The following ADCY4 variants were observed in gnomAD, a reference collection of about 807,000 sequenced individuals.
ADCY4 encodes the protein adenylate cyclase type 4.
Under a neutral mutation model 125.5 loss-of-function variants are expected in ADCY4, and 111 were observed. The ratio of observed to expected loss-of-function variants is 0.88; its 90% CI spans 0.76 to 1.04. The LOEUF (loss-of-function observed/expected upper bound fraction) is 1.04. ADCY4 is among the 50% of genes least tolerant of loss of function. The pLI, the probability that ADCY4 is intolerant of heterozygous loss-of-function variation, is 0.00. For synonymous variants in ADCY4, 576 were observed against 586.9 expected (o/e 0.98, Z 0.27); for missense variants, 1,256 against 1,382.9 (o/e 0.91, Z 1.46).
Position 24,322,901 on chromosome 14 carries a change from C to A in ADCY4, c.2342+3G>T. 6.3e-7 allele frequency: 1 copy of A among 1,590,454 alleles called. No homozygotes were observed. The highest frequency in any genetic ancestry group is 8.6e-7 in the Non-Finnish European group (1 of 1,168,714). On this transcript the variant is annotated splice_donor_region_variant and intron_variant, in intron 18 of 24. Transcript: ENST00000418030. ...GGCACCTCTGTCCAGCAGCTGTGCA[C>A]ACCTGGAGTCCAAGGGGCCCAGATA...
chr14:24,328,142 G>A (rs940503149), intron 10 of ADCY4, among the ~76,000 whole-genome samples: 1 of 150,102 alleles, frequency 6.7e-6, no homozygotes, highest in Admixed American at 6.6e-5. Flanking sequence ...CATCTGGGAA[G>A]ACGCCCGTCA....
intron 17 of ADCY4, 102 bp downstream of exon 17, chr14:24,323,242 G>C: frequency 4.3e-6 from 6 of 1,406,482 alleles, no homozygotes; most frequent in Non-Finnish European, 3.9e-6. Context: ...ACTTATGTCT[G>C]TTCTAATCCA....
At chr14:24,332,301 A>G (rs2042053938) in intron 3 of ADCY4, 1 of 509,204 alleles carries the variant, frequency 2.0e-6, no homozygotes, top group African/African-American at 2.0e-5. Context: ...TCCCCGGGGT[A>G]AACCACGACA....
chr14:24,319,345 C>G lies in ADCY4; in HGVS notation c.2825G>C (p.Gly942Ala). ...MAATGLNATS[G>A]QDAQQDAERS... Reference sequence around the variant, plus strand: ...TTGCCGTACCTGTTGTGCATCCTGTCCAGAGGTGGCATTTAAGCCTGTGGC... The same window carrying G: ...TTGCCGTACCTGTTGTGCATCCTGTGCAGAGGTGGCATTTAAGCCTGTGGC... Residue 942 changes from glycine to alanine, a missense_variant, in exon 22 of 25, where the codon GGA becomes GCA. Gly to Ala is a moderately conservative substitution (Grantham distance 60). Transcript: ENST00000418030. This position sits in a 1 kb window ranked among gnomAD's most constrained non-coding sequence, Gnocchi z 4.5. The G allele has an allele frequency of 6.2e-7, 1 of 1,614,148 alleles. No individual in the cohort carries two copies. Among genetic ancestry groups the G allele is most frequent in the Non-Finnish European group, 8.5e-7 (1 of 1,180,018 alleles).
intron 13 of ADCY4, 109 bp from the exon 14 acceptor site, chr14:24,325,583 C>T (rs1261552823): frequency 3.9e-6 from 4 of 1,024,120 alleles, no homozygotes; most frequent in Non-Finnish European, 5.8e-6. Flanking sequence ...GCCCAGGCTC[C>T]AGTTCAGTTC....
rs1317684411 is a variant in ADCY4, at chr14:24,329,925, C to G, written c.1152G>C (p.Trp384Cys). ...CATCATGTGACCAAACGTCGTACTG[C>G]CACTTCTGCAGCCCGATGACTCCAC... ...VLCGVIGLQKWQYDVWSHDVT... is the reference protein window; with the variant it reads ...VLCGVIGLQKCQYDVWSHDVT... Residue 384 changes from tryptophan (W) to cysteine (C), a missense_variant, in exon 8 of 25, where the codon TGG (tryptophan) becomes TGC (cysteine). Trp to Cys is a radical substitution (Grantham distance 215, BLOSUM62 -2). Coordinates refer to ENST00000418030, the MANE Select transcript of ADCY4 (RefSeq NM_001198568.2). 6.2e-7 allele frequency: 1 copy of G among 1,614,130 alleles called. No individual in the cohort carries two copies. Among genetic ancestry groups the G allele is most frequent in the Non-Finnish European group, 8.5e-7 (1 of 1,180,006 alleles).
rs768303901 is a variant in ADCY4, at chr14:24,319,840, C to T, written c.2635G>A (p.Val879Ile). The T allele has an allele frequency of 1.2e-6, 2 of 1,613,958 alleles. No individual in the cohort carries two copies. Among genetic ancestry groups the T allele is most frequent in the South Asian group, 1.1e-5 (1 of 91,078 alleles). ...YECVCVLFAS[V>I]PDFKEFYSES... The stretch of plus-strand genomic sequence containing the variant: ...GAGTAGAACTCCTTGAAGTCTGGGA[C>T]TGAGGCGAAGAGGACACAAACGCAT... Residue 879 changes from valine to isoleucine, a missense_variant, in exon 21 of 25, where the codon GTC (valine) becomes ATC (isoleucine). Coordinates refer to ENST00000418030, the MANE Select transcript of ADCY4 (RefSeq NM_001198568.2). This position sits in a 1 kb window ranked among gnomAD's most constrained non-coding sequence, Gnocchi z 4.5.
At position 24,319,864 on chromosome 14, in the gene ADCY4, A is replaced by G. The variant is rs2041826053; in HGVS notation, c.2611T>C (p.Cys871Arg). The change falls in exon 21 of 25, where the codon TGC (cysteine) becomes CGC (arginine). Residue 871 changes from cysteine to arginine, a missense_variant. Coordinates refer to ENST00000418030, the MANE Select transcript of ADCY4 (RefSeq NM_001198568.2). The surrounding 1 kb of genome is among the most constrained non-coding windows in gnomAD (Gnocchi z 4.5). ...NEDLYHQSYE[C>R]VCVLFASVPD... is the part of the protein sequence containing the mutation. ...ACTGAGGCGAAGAGGACACAAACGCATTCATAGGACTGGTGGTAGAGATCC... is the reference window on the plus strand; with the variant it reads ...ACTGAGGCGAAGAGGACACAAACGCGTTCATAGGACTGGTGGTAGAGATCC... 1 of 1,613,752 alleles carries G rather than the reference A, an allele frequency of 6.2e-7. No homozygotes were observed.
In ADCY4 at chr14:24,323,097, C is replaced by T. The variant is rs1371571040; in HGVS notation, c.2158-9G>A. ...CAGCAGTGCATGGAGTACTGTGGGG[C>T]CAGGCAGGGGTCAGGAGTGGGCATG... On this transcript the variant is annotated splice_polypyrimidine_tract_variant and intron_variant, in intron 17 of 24. Transcript: ENST00000418030. 6.2e-7 allele frequency: 1 copy of T among 1,613,420 alleles called. No individual in the cohort carries two copies. The highest frequency in any genetic ancestry group is 8.5e-7 in the Non-Finnish European group (1 of 1,179,656).
intron 3 of ADCY4, 28 bp from the exon 4 acceptor site, chr14:24,331,965 C>T: frequency 1.3e-6 from 2 of 1,522,080 alleles, no homozygotes; most frequent in Admixed American, 2.0e-5. Flanking sequence ...CCTCAGAGGG[C>T]GCGGGACCCG....
At position 24,332,933 on chromosome 14, in the gene ADCY4, A is replaced by G. The variant is rs1192668910; in HGVS notation, c.215T>C (p.Phe72Ser). ...GGAAGCGAGGCCCAGCAGCAGCGAG[A>G]AGCCGCCCAGCGCGCACAGCACAGT... ...LTTVLCALGG[F>S]SLLLGLASRE... The change falls in exon 2 of 25, where the codon TTC (phenylalanine) becomes TCC (serine). Residue 72 changes from phenylalanine (F) to serine (S), a missense_variant. By Grantham distance (155) the Phe-to-Ser change is radical. Transcript: ENST00000418030. 8.1e-6 allele frequency: 13 copies of G among 1,596,202 alleles called. No homozygotes were observed. The highest frequency in any genetic ancestry group is 1.0e-5 in the Non-Finnish European group (12 of 1,170,060).
chr14:24,324,412 G>C (rs752600814), intron 14 of ADCY4, 21 bp from the exon 15 acceptor site: 1 of 1,601,342 alleles, frequency 6.2e-7, no homozygotes, highest in Non-Finnish European at 8.6e-7. Context: ...ACAAAAGCGA[G>C]GCCTTGAAGT....
At chr14:24,332,131 C>A in intron 3 of ADCY4, 194 bp from the exon 4 acceptor site, 1 of 624,724 alleles carries the variant, frequency 1.6e-6, no homozygotes. Flanking sequence ...TCCAGACTCT[C>A]GGCTGCTTCA....
intron 6 of ADCY4, chr14:24,330,724 A>T: frequency 2.4e-6 from 1 of 410,402 alleles, no homozygotes; most frequent in Non-Finnish European, 4.4e-6. Flanking sequence ...ACGTCTCTAT[A>T]GATTTGGTTG....
intron 20 of ADCY4, chr14:24,321,863 T>C: frequency 7.5e-7 from 1 of 1,330,560 alleles, no homozygotes; most frequent in Non-Finnish European, 9.6e-7. Context: ...AAGACATGCC[T>C]TCCAAGTAAG....
At chr14:24,330,430 AGG>A in intron 6 of ADCY4, 135 bp from the exon 7 acceptor site, 1 of 1,241,736 alleles carries the variant, frequency 8.1e-7, no homozygotes, top group Non-Finnish European at 1.1e-6. Flanking sequence ...GATCAGATCT[AGG>A]GACTCCTTTC....
intron 20 of ADCY4, chr14:24,321,608 C>G (rs1428544649): frequency 5.9e-6 from 1 of 168,188 alleles, no homozygotes; most frequent in Admixed American, 6.4e-5. Flanking sequence ...AACCTAGACC[C>G]CTTGCATGTG....
chr14:24,320,360 A>T (rs547213572), intron 20 of ADCY4, among the ~76,000 whole-genome samples: 1 of 152,338 alleles, frequency 6.6e-6, no homozygotes, highest in Non-Finnish European at 1.5e-5. Flanking sequence ...ATGGAATCAG[A>T]TCTGAGGGTG....
Position 24,334,666 on chromosome 14 carries a change from C to T in ADCY4, c.-14G>A, listed in dbSNP as rs1239993943. 6.5e-7 allele frequency: 1 copy of T among 1,532,540 alleles called. No homozygotes were observed. The highest frequency in any genetic ancestry group is 2.5e-5 in the East Asian group (1 of 40,506). 94.9% of individuals were successfully genotyped at this position (1,532,540 alleles called of 1,614,324 possible). On this transcript the variant is annotated 5_prime_UTR_variant, in exon 1 of 25. Transcript: ENST00000418030. Reference sequence around the variant, plus strand: ...GAGGCGGGCCATGATCTCCCCAGCCCCGAGCCCCGGGGCTGGCTAGGGCCG... The same window carrying T: ...GAGGCGGGCCATGATCTCCCCAGCCTCGAGCCCCGGGGCTGGCTAGGGCCG...
Sources: gnomAD v4.1 joint callset for allele counts (sites outside exome capture counted in the v4.1 genomes callset) on GRCh38, gnomAD v4.1.1 for gene constraint, Gnocchi (gnomAD v3.1) non-coding constraint, MANE v1.5 for transcripts, NCBI Gene and HGNC (gene_info 2026-07-23, HGNC 2026-07-21) for gene names.